RBPJ: variants seen among roughly 807,000 people sequenced by gnomAD.
The protein encoded by RBPJ is recombining binding protein suppressor of hairless.
A neutral mutation model predicts 67.8 loss-of-function variants in RBPJ; 9 were observed. That is an observed-to-expected ratio of 0.13 (90% CI 0.08 to 0.23). The LOEUF is 0.23. Ranked by LOEUF, RBPJ falls within the 10% of genes least tolerant of loss-of-function variation. RBPJ has a pLI of 1.00. For missense variants in RBPJ, 305 were observed against 595.6 expected (o/e 0.51, Z 5.08); for synonymous variants, 198 against 203.3 (o/e 0.97, Z 0.22).
intron 1 of RBPJ, among the ~76,000 whole-genome samples, chr4:26,313,653 G>A (rs192444849): frequency 6.6e-6 from 1 of 151,324 alleles, no homozygotes; most frequent in African/African-American, 2.4e-5. Context: ...CTGGGTGACA[G>A]AGTAAAACTC....
intron 1 of RBPJ, among the ~76,000 whole-genome samples, chr4:26,371,955 A>G (rs561266040): frequency 5.4e-4 from 82 of 152,330 alleles, no homozygotes; most frequent in African/African-American, 1.9e-3. Flanking sequence ...TTTGTTGATC[A>G]TTGTAGAGTC....
chr4:26,172,433 G>A (rs541854845), intron 1 of RBPJ, among the ~76,000 whole-genome samples: 1 of 152,150 alleles, frequency 6.6e-6, no homozygotes, highest in Non-Finnish European at 1.5e-5. Flanking sequence ...TTTCTGCCAC[G>A]GGCGATCTAG....
At chr4:26,183,449 C>T (rs922388514) in intron 1 of RBPJ, among the ~76,000 whole-genome samples, 3 of 152,210 alleles carry the variant, frequency 2.0e-5, no homozygotes, top group African/African-American at 7.2e-5. Flanking sequence ...ACCACCTGCC[C>T]CATTACTCGC....
intron 1 of RBPJ, among the ~76,000 whole-genome samples, chr4:26,296,152 A>G (rs928796049): frequency 6.6e-6 from 1 of 152,208 alleles, no homozygotes; most frequent in Non-Finnish European, 1.5e-5. Flanking sequence ...TTCTGTAATT[A>G]CCAGTAGTTG....
chr4:26,377,679 T>TA (rs1182159504), intron 1 of RBPJ, among the ~76,000 whole-genome samples: 1 of 152,250 alleles, frequency 6.6e-6, no homozygotes, highest in Non-Finnish European at 1.5e-5. Flanking sequence ...ATATATTTTC[T>TA]AAAATGGTTT....
chr4:26,107,944 T>A, the RBPJ span, among the ~76,000 whole-genome samples: 2 of 152,140 alleles, frequency 1.3e-5, no homozygotes, highest in South Asian at 4.1e-4. Flanking sequence ...CTCCTTGGGC[T>A]CCTGCTTCAT....
rs558057329 is a variant in RBPJ, at chr4:26,306,450, T to A, written c.-166-55996T>A. ...CATTTATTTGGAGAATTATTATTAT[T>A]ATTATTATTATTATTATTTGAGACA... On this transcript the variant is annotated intron_variant, in intron 1 of 4. Coordinates refer to the RBPJ transcript ENST00000512351. 4.7e-5 allele frequency among the ~76,000 whole-genome samples: 7 copies of A among 150,296 alleles called. No homozygotes were observed. The South Asian group carries it at 1.0e-3, about 23-fold the overall frequency.
chr4:26,197,138 G>A (rs574405583), intron 1 of RBPJ, among the ~76,000 whole-genome samples: 11 of 152,274 alleles, frequency 7.2e-5, no homozygotes, highest in African/African-American at 2.6e-4. Context: ...TTATAATGGA[G>A]TATAGCTGGA....
intron 2 of RBPJ, among the ~76,000 whole-genome samples, chr4:26,401,369 T>C (rs1732780658): frequency 6.6e-6 from 1 of 152,248 alleles, no homozygotes; most frequent in Non-Finnish European, 1.5e-5. Flanking sequence ...TTCAGTATCA[T>C]CTTGGGAAAG....
At chr4:26,399,310 A>C (rs568006605) in intron 2 of RBPJ, among the ~76,000 whole-genome samples, 34 of 152,268 alleles carry the variant, frequency 2.2e-4, no homozygotes, top group Admixed American at 4.6e-4. Flanking sequence ...TTTCTTGACT[A>C]TTCTGTAATA....
chr4:26,242,490 T>G (rs937597250), intron 1 of RBPJ, among the ~76,000 whole-genome samples: 10 of 149,062 alleles, frequency 6.7e-5, no homozygotes, highest in African/African-American at 2.5e-4. Flanking sequence ...GAAAAGAGAG[T>G]GTGGTCCACA....
At chr4:26,423,663 G>A (rs1735361971) in intron 5 of RBPJ, among the ~76,000 whole-genome samples, 7 of 152,182 alleles carry the variant, frequency 4.6e-5, no homozygotes, top group Admixed American at 4.6e-4. Flanking sequence ...TTAACTTTGT[G>A]TTTGTACTGA....
At chr4:26,187,554 T>G (rs1260608524) in intron 1 of RBPJ, among the ~76,000 whole-genome samples, 1 of 152,212 alleles carries the variant, frequency 6.6e-6, no homozygotes, top group Non-Finnish European at 1.5e-5. Flanking sequence ...ATTATAATAT[T>G]TAAAGTAATT....
In RBPJ at chr4:26,424,256, T is replaced by C. The variant is rs936510843; in HGVS notation, c.497-86T>C. The C allele has an allele frequency of 8.7e-6, 11 of 1,257,324 alleles. No individual in the cohort carries two copies. The highest frequency in any genetic ancestry group is 1.1e-5 in the Non-Finnish European group (10 of 878,404). 77.9% of individuals were successfully genotyped at this position (1,257,324 alleles called of 1,614,324 possible). On this transcript the variant is annotated intron_variant, in intron 5 of 10. Coordinates refer to ENST00000355476, the MANE Select transcript of RBPJ (RefSeq NM_015874.6). The surrounding 1 kb of genome is among the most constrained non-coding windows in gnomAD (Gnocchi z 5.3). Reference sequence around the variant, plus strand: ...GTTAAATGATAAGAAAGAATAATTATACACTGCCAAGCAGAATTTCCTTCT... The same window carrying C: ...GTTAAATGATAAGAAAGAATAATTACACACTGCCAAGCAGAATTTCCTTCT...
intron 1 of RBPJ, among the ~76,000 whole-genome samples, chr4:26,244,877 G>A (rs1010913519): frequency 5.3e-5 from 8 of 151,948 alleles, no homozygotes; most frequent in Non-Finnish European, 1.2e-4. Context: ...CAAATGATCT[G>A]CCTGCCTCAG....
chr4:26,111,345 C>G, the RBPJ span, among the ~76,000 whole-genome samples: 2 of 152,174 alleles, frequency 1.3e-5, no homozygotes. Flanking sequence ...GGAACATGCT[C>G]CCTTCCCTAT....
chr4:26,238,930 C>T (rs1186266771), intron 1 of RBPJ, among the ~76,000 whole-genome samples: 1 of 152,052 alleles, frequency 6.6e-6, no homozygotes, highest in Non-Finnish European at 1.5e-5. Context: ...CAGAGATCAA[C>T]GCTCCAGGCA....
upstream of RBPJ, among the ~76,000 whole-genome samples, chr4:26,161,433 C>A (rs527604592): frequency 6.6e-6 from 1 of 152,300 alleles, no homozygotes; most frequent in South Asian, 2.1e-4. Context: ...AAGGTTGCAG[C>A]CCCTGAAAGA....
chr4:26,282,021 T>C (rs533142453), intron 1 of RBPJ, among the ~76,000 whole-genome samples: 1 of 152,330 alleles, frequency 6.6e-6, no homozygotes, highest in African/African-American at 2.4e-5. Context: ...CAGATTTTCA[T>C]GCAAACTTTA....
Sources: allele counts gnomAD v4.1 joint callset (sites outside exome capture counted in the v4.1 genomes callset), GRCh38; gene constraint gnomAD v4.1.1; non-coding constraint Gnocchi (gnomAD v3.1); transcripts MANE v1.5; gene names NCBI Gene and HGNC (gene_info 2026-07-23, HGNC 2026-07-21).